CDH15: variants seen among roughly 807,000 people sequenced by gnomAD.
The protein encoded by CDH15 is cadherin 15.
A neutral mutation model predicts 69.4 loss-of-function variants in CDH15; 73 were observed. That is an observed-to-expected ratio of 1.05 (90% CI 0.87 to 1.28). The LOEUF (loss-of-function observed/expected upper bound fraction) is 1.28. Ranked by LOEUF, CDH15 falls within the 50% of genes most tolerant of loss-of-function variation. The pLI is 0.00. For missense variants in CDH15, 1,343 were observed against 1,133.6 expected, an observed-to-expected ratio of 1.18 and a Z score of -2.65; for synonymous variants, 624 against 507.7, an observed-to-expected ratio of 1.23 and a Z score of -3.08.
At chr16:89,180,058 A>G in intron 2 of CDH15, 142 bp from the exon 3 acceptor site, 1 of 914,310 alleles carries the variant, frequency 1.1e-6, no homozygotes, top group Non-Finnish European at 1.7e-6. Context: ...ACAGCTCCTC[A>G]TTGGGTACCA....
chr16:89,188,700 G>T (rs111172824), intron 7 of CDH15, among the ~76,000 whole-genome samples: 3 of 67,826 alleles, frequency 4.4e-5, no homozygotes, highest in Non-Finnish European at 9.2e-5. Flanking sequence ...AGATGCCCAC[G>T]CACAGATGGC....
chr16:89,176,115 G>T (rs1915250240), intron 1 of CDH15, among the ~76,000 whole-genome samples: 1 of 152,232 alleles, frequency 6.6e-6, no homozygotes, highest in Non-Finnish European at 1.5e-5. Flanking sequence ...CCTAATGGGG[G>T]TTCGGCCTGA....
chr16:89,191,048 GGT>G lies in CDH15; in HGVS notation c.1233-276_1233-275del, dbSNP rs1158744856. ...GTGTGGTACATGCGTGTGGTGTATA[GGT>G]GTGTGGGGGGTGGTATGTGCAAGGT... On this transcript the variant is annotated intron_variant, in intron 8 of 13. Coordinates refer to ENST00000289746, the MANE Select transcript of CDH15 (RefSeq NM_004933.3). Among the ~76,000 whole-genome samples, 3 of 147,266 alleles carry G rather than the reference GGT, an allele frequency of 2.0e-5. No homozygotes were observed. The East Asian group carries it at 6.3e-4, about 31-fold the overall frequency.
chr16:89,175,606 G>A (rs939095804), intron 1 of CDH15, among the ~76,000 whole-genome samples: 3 of 152,158 alleles, frequency 2.0e-5, no homozygotes, highest in Non-Finnish European at 2.9e-5. Context: ...AGCCACGGCC[G>A]GAAACAGACC....
rs1240976438 is a variant in CDH15, at chr16:89,192,132, C to T, written c.1616-73C>T. On this transcript the variant is annotated intron_variant, in intron 10 of 13. Transcript: ENST00000289746. ...CAGGATCTCGGGATCCCCACCCTGTCTCGGCGCGAGGAGGGCAGGCGAAGT... is the reference window on the plus strand; with the variant it reads ...CAGGATCTCGGGATCCCCACCCTGTTTCGGCGCGAGGAGGGCAGGCGAAGT... 8.9e-6 allele frequency: 13 copies of T among 1,465,290 alleles called. No individual in the cohort carries two copies. In the East Asian group the frequency reaches 3.3e-4, roughly 37 times the overall value. 90.8% of individuals were successfully genotyped at this position (1,465,290 alleles called of 1,614,324 possible). A position where few individuals can be genotyped will look rare whatever the true frequency, so the allele number is the denominator to read the frequency against.
chr16:89,180,432 C>A, intron 3 of CDH15, 77 bp downstream of exon 3: 2 of 1,490,250 alleles, frequency 1.3e-6, no homozygotes, highest in Non-Finnish European at 1.8e-6. Context: ...CCCCACCAGG[C>A]TTCTCCTCCC....
rs1428697426 is a variant in CDH15, at chr16:89,181,871, G to A, written c.357+1516G>A. Among the ~76,000 whole-genome samples, 7 of 151,518 alleles carry A rather than the reference G, an allele frequency of 4.6e-5. No homozygotes were observed. The South Asian group carries it at 6.3e-4, about 14-fold the overall frequency. Reference sequence around the variant, plus strand: ...GGAGAATCGCTGGAACCCGGGAGGCGAAGGTTGAAGTGAGCTGAGTCCTCG... The same window carrying A: ...GGAGAATCGCTGGAACCCGGGAGGCAAAGGTTGAAGTGAGCTGAGTCCTCG... On this transcript the variant is annotated intron_variant, in intron 3 of 13. Coordinates refer to ENST00000289746, the MANE Select transcript of CDH15 (RefSeq NM_004933.3).
At chr16:89,189,051 CCACACACAGATGCCGG>C (rs1915572017) in intron 7 of CDH15, among the ~76,000 whole-genome samples, 2 of 139,698 alleles carry the variant, frequency 1.4e-5, no homozygotes, top group Admixed American at 7.2e-5. Context: ...ACACAGGTGC[CCACACACAGATGCCGG>C]CACACACAGA....
Position 89,195,347 on chromosome 16 carries a change from G to A in CDH15, c.*192G>A. On this transcript the variant is annotated 3_prime_UTR_variant, in exon 14 of 14. Coordinates refer to ENST00000289746, the MANE Select transcript of CDH15 (RefSeq NM_004933.3). ...CAGGAAGAGGCCCCTTCCTGCCGGG[G>A]TGGGAAGAGTTTCTCTCCATCGGCC... The A allele has an allele frequency of 4.9e-6, 3 of 614,128 alleles. No individual in the cohort carries two copies. The highest frequency in any genetic ancestry group is 5.6e-5 in the East Asian group (2 of 35,872). 38.0% of individuals were successfully genotyped at this position (614,128 alleles called of 1,614,324 possible).
chr16:89,192,383 G>A lies in CDH15; in HGVS notation c.1794G>A (p.Gly598=). 6.5e-7 allele frequency: 1 copy of A among 1,537,496 alleles called. No individual in the cohort carries two copies. The highest frequency in any genetic ancestry group is 8.7e-7 in the Non-Finnish European group (1 of 1,148,170). ...CGGGGGCCGCAGCGCTGCTGGCGGGGGGCACAGGCCTCAGCCTGGGCGCAC... is the reference window on the plus strand; with the variant it reads ...CGGGGGCCGCAGCGCTGCTGGCGGGAGGCACAGGCCTCAGCCTGGGCGCAC... The part of the protein sequence containing the change: ...CLPGAAALLA[G]GTGLSLGALV... Residue 598 remains glycine, a synonymous_variant, in exon 11 of 14, where the codon GGG becomes GGA. Coordinates refer to ENST00000289746, the MANE Select transcript of CDH15 (RefSeq NM_004933.3).
chr16:89,180,814 C>T (rs1915359226), intron 3 of CDH15, among the ~76,000 whole-genome samples: 1 of 151,976 alleles, frequency 6.6e-6, no homozygotes, highest in Non-Finnish European at 1.5e-5. Flanking sequence ...AGCTCCGCCT[C>T]CCGGGTTCAC....
chr16:89,191,984 G>T, intron 10 of CDH15, 90 bp downstream of exon 10: 2 of 1,328,094 alleles, frequency 1.5e-6, no homozygotes, highest in Non-Finnish European at 2.1e-6. Flanking sequence ...AGGGTGAGGG[G>T]CATGCAAACC....
In CDH15 at chr16:89,179,822, G is replaced by T. The variant is rs145532257; in HGVS notation, c.201+248G>T. Among the ~76,000 whole-genome samples the T allele has an allele frequency of 4.8e-3, 726 of 152,354 alleles. 4 individuals are homozygous for T. Among genetic ancestry groups the T allele is most frequent in the African/African-American group, 0.017 (696 of 41,594 alleles). On this transcript the variant is annotated intron_variant, in intron 2 of 13. Coordinates refer to ENST00000289746, the MANE Select transcript of CDH15 (RefSeq NM_004933.3). ...TCCCACCCCACATGCGCCTCGGGTG[G>T]ACATACTCCACGTTAGGCTGCACGC...
Position 89,193,494 on chromosome 16 carries a change from G to C in CDH15, c.1880G>C (p.Arg627Pro). 6.2e-7 allele frequency: 1 copy of C among 1,611,334 alleles called. No individual in the cohort carries two copies. Among genetic ancestry groups the C allele is most frequent in the African/African-American group, 1.3e-5 (1 of 74,710 alleles). The change falls in exon 12 of 14, where the codon CGG becomes CCG. Residue 627 changes from arginine to proline, a missense_variant. By Grantham distance (103) the Arg-to-Pro change is moderately radical. Coordinates refer to ENST00000289746, the MANE Select transcript of CDH15 (RefSeq NM_004933.3). Reference protein sequence around the residue: ...LLVLVLLVALRARFWKQSRGK... With the variant: ...LLVLVLLVALPARFWKQSRGK... ...GTGCTGGTCCTGCTCGTGGCACTCC[G>C]GGCGCGGTTCTGGAAGCAGTCTCGG...
chr16:89,182,366 C>T (rs1339041850), intron 3 of CDH15, among the ~76,000 whole-genome samples: 1 of 149,908 alleles, frequency 6.7e-6, no homozygotes. Flanking sequence ...TTGGGCTGGG[C>T]ACAACGGCTC....
intron 4 of CDH15, among the ~76,000 whole-genome samples, chr16:89,184,147 C>G (rs1597306251): frequency 6.6e-6 from 1 of 152,200 alleles, no homozygotes; most frequent in South Asian, 2.1e-4. Context: ...GGCACAGGCC[C>G]CCTCGTGTCT....
intron 1 of CDH15, among the ~76,000 whole-genome samples, chr16:89,172,461 G>A (rs542803958): frequency 4.6e-5 from 7 of 152,264 alleles, no homozygotes; most frequent in South Asian, 2.1e-4. Context: ...GCAGAGTGGC[G>A]TGTGGCAGCC....
At chr16:89,194,464 G>A (rs1915746113) in intron 13 of CDH15, among the ~76,000 whole-genome samples, 6 of 152,190 alleles carry the variant, frequency 3.9e-5, no homozygotes, top group Admixed American at 2.6e-4. Context: ...GGACAGACAT[G>A]CAGACAGAGC....
At chr16:89,174,660 GC>G (rs1915221772) in intron 1 of CDH15, among the ~76,000 whole-genome samples, 1 of 152,182 alleles carries the variant, frequency 6.6e-6, no homozygotes, top group South Asian at 2.1e-4. Context: ...CGTCTCAAGG[GC>G]TTCGAGGTGG....
Sources: gnomAD v4.1 joint callset for allele counts (sites outside exome capture counted in the v4.1 genomes callset) on GRCh38, gnomAD v4.1.1 for gene constraint, MANE v1.5 for transcripts, NCBI Gene and HGNC (gene_info 2026-07-23, HGNC 2026-07-21) for gene names.